The following SHISA9 variants were observed in gnomAD, a reference collection of about 807,000 sequenced individuals.
SHISA9 encodes the protein shisa family member 9, also known as protein shisa-9.
A neutral mutation model predicts 38.0 loss-of-function variants in SHISA9; 13 were observed. The observed-to-expected ratio is 0.34, with a 90% CI of 0.22 to 0.54. The LOEUF (loss-of-function observed/expected upper bound fraction) is 0.54. SHISA9 is among the 20% of genes least tolerant of loss of function. The pLI is 0.91. For synonymous variants in SHISA9, 275 were observed against 242.0 expected (o/e 1.14, Z -1.27); for missense variants, 538 against 575.8 (o/e 0.93, Z 0.67).
chr16:13,525,973 G>A, the SHISA9 span, among the ~76,000 whole-genome samples: 3 of 152,238 alleles, frequency 2.0e-5, no homozygotes, highest in African/African-American at 7.2e-5. Context: ...GTAAACCAGT[G>A]CAGCAAGCAT....
intron 2 of SHISA9, among the ~76,000 whole-genome samples, chr16:13,167,065 CT>C (rs1029913159): frequency 2.1e-5 from 3 of 142,646 alleles, no homozygotes; most frequent in African/African-American, 7.8e-5. Context: ...CTCTCTCTCT[CT>C]TTTTTCTTTT....
intron 1 of SHISA9, among the ~76,000 whole-genome samples, chr16:12,906,344 G>A (rs1000909968): frequency 6.6e-6 from 1 of 152,188 alleles, no homozygotes; most frequent in Non-Finnish European, 1.5e-5. Flanking sequence ...CTTGGGTTTT[G>A]CTGCAGAGGC....
chr16:13,145,484 G>A (rs553922076), intron 2 of SHISA9, among the ~76,000 whole-genome samples: 1 of 152,250 alleles, frequency 6.6e-6, no homozygotes, highest in East Asian at 1.9e-4. Context: ...CCAAGATCGT[G>A]CCATTGCACT....
chr16:13,548,616 C>A, the SHISA9 span, among the ~76,000 whole-genome samples: 1 of 152,136 alleles, frequency 6.6e-6, no homozygotes, highest in Non-Finnish European at 1.5e-5. Context: ...AGATGCTCAA[C>A]ATCATTAATT....
chr16:13,177,294 A>G (rs1348076154), intron 2 of SHISA9, among the ~76,000 whole-genome samples: 2 of 152,220 alleles, frequency 1.3e-5, no homozygotes, highest in African/African-American at 2.4e-5. Context: ...CTAGCTCAGC[A>G]AATGCTCATC....
the SHISA9 span, among the ~76,000 whole-genome samples, chr16:13,248,111 C>A: frequency 6.6e-6 from 1 of 152,090 alleles, no homozygotes; most frequent in East Asian, 1.9e-4. Context: ...CAGCACCATG[C>A]GGGTCTTAAA....
chr16:13,061,397 T>C (rs1362270962), intron 2 of SHISA9, among the ~76,000 whole-genome samples: 1 of 152,222 alleles, frequency 6.6e-6, no homozygotes, highest in East Asian at 1.9e-4. Context: ...TTTTTGGTTG[T>C]TATTGTTGTT....
At chr16:13,155,301 G>A (rs1021686528) in intron 2 of SHISA9, among the ~76,000 whole-genome samples, 1 of 152,138 alleles carries the variant, frequency 6.6e-6, no homozygotes, top group Non-Finnish European at 1.5e-5. Context: ...AGAATGGAAC[G>A]AATTGGATGG....
the SHISA9 span, among the ~76,000 whole-genome samples, chr16:13,483,895 C>A: frequency 3.3e-5 from 5 of 152,280 alleles, no homozygotes; most frequent in East Asian, 3.9e-4. Flanking sequence ...ATATCTTTTA[C>A]AATAAACTGA....
chr16:13,137,985 A>G (rs9934188), intron 2 of SHISA9, among the ~76,000 whole-genome samples: 20,487 of 152,204 alleles, frequency 0.13, 1,822 homozygotes, highest in East Asian at 0.24. Flanking sequence ...CATGAATGAT[A>G]GTTCACACAG....
At chr16:13,188,416 A>G (rs1415858272) in intron 2 of SHISA9, among the ~76,000 whole-genome samples, 2 of 152,124 alleles carry the variant, frequency 1.3e-5, no homozygotes, top group Non-Finnish European at 2.9e-5. Context: ...ATCCGTCCTG[A>G]CCTCAGAAAG....
chr16:13,144,147 G>A (rs1319603707), intron 2 of SHISA9, among the ~76,000 whole-genome samples: 1 of 151,258 alleles, frequency 6.6e-6, no homozygotes, highest in Non-Finnish European at 1.5e-5. Context: ...TGCAGTTGGA[G>A]GGGCTAGTTC....
At chr16:13,494,246 A>G in the SHISA9 span, among the ~76,000 whole-genome samples, 1 of 152,326 alleles carries the variant, frequency 6.6e-6, no homozygotes, top group South Asian at 2.1e-4. Context: ...CACTCAAAAC[A>G]TAGCCAGCAG....
chr16:13,395,388 T>C, the SHISA9 span, among the ~76,000 whole-genome samples: 8 of 152,216 alleles, frequency 5.3e-5, no homozygotes, highest in African/African-American at 1.7e-4. Context: ...TGATAGCCCA[T>C]AGGGCAAGAG....
At chr16:13,082,131 G>A (rs74761432) in intron 2 of SHISA9, among the ~76,000 whole-genome samples, 3,667 of 152,320 alleles carry the variant, frequency 0.024, 66 homozygotes, top group South Asian at 0.059. Context: ...AAGCTTACAG[G>A]GTGTGAATTA....
At chr16:13,275,357 A>G in the SHISA9 span, among the ~76,000 whole-genome samples, 6 of 152,088 alleles carry the variant, frequency 3.9e-5, no homozygotes, top group Admixed American at 1.3e-4. Context: ...TTATTGTTTT[A>G]GTAATTAAGT....
Position 13,090,623 on chromosome 16 carries a change from C to T in SHISA9, c.692-112771C>T, listed in dbSNP as rs1309306922. ...GTTTTATGAGAGGCTAGGATTGCAA[C>T]TCCTGCTGTTTTTTTGCTTTCCATT... On this transcript the variant is annotated intron_variant, in intron 2 of 4. Coordinates refer to ENST00000558583, the MANE Select transcript of SHISA9 (RefSeq NM_001145204.3). Among the ~76,000 whole-genome samples, 5 of 151,404 alleles carry T rather than the reference C, an allele frequency of 3.3e-5. No homozygotes were observed. In the East Asian group the frequency reaches 5.8e-4, roughly 18 times the overall value.
chr16:12,919,489 A>G (rs556830396), intron 2 of SHISA9, among the ~76,000 whole-genome samples: 26 of 152,212 alleles, frequency 1.7e-4, no homozygotes, highest in Non-Finnish European at 2.1e-4. Flanking sequence ...CATTGCTTTA[A>G]GAGAATACTA....
chr16:13,270,587 A>G, the SHISA9 span, among the ~76,000 whole-genome samples: 1 of 152,220 alleles, frequency 6.6e-6, no homozygotes, highest in East Asian at 1.9e-4. Context: ...ATTGTAGTCA[A>G]AAGTGTACCA....
Sources: gnomAD v4.1 joint callset for allele counts (sites outside exome capture counted in the v4.1 genomes callset) on GRCh38, gnomAD v4.1.1 for gene constraint, MANE v1.5 for transcripts, NCBI Gene and HGNC (gene_info 2026-07-23, HGNC 2026-07-21) for gene names.